Variants in SPATA9 observed in about 807,000 individuals in gnomAD.
SPATA9 encodes spermatogenesis associated 9.
Under a neutral mutation model 25.5 loss-of-function variants are expected in SPATA9, and 27 were observed. That is an observed-to-expected ratio of 1.06 (90% confidence interval 0.78 to 1.46). SPATA9 has a LOEUF of 1.46. SPATA9 is among the 40% of genes most tolerant of loss of function. The pLI is 0.00. For missense variants in SPATA9, 282 were observed against 297.5 expected (o/e 0.95, Z 0.38); for synonymous variants, 102 against 105.7 (o/e 0.97, Z 0.21).
chr5:95,654,352 T>C (rs750298255), downstream of SPATA9: 6 of 1,606,064 alleles, frequency 3.7e-6, no homozygotes, highest in Admixed American at 1.0e-4. Context: ...GACCTTTACA[T>C]TTGGGAGATA....
the SPATA9 span, among the ~76,000 whole-genome samples, chr5:95,727,022 G>A: frequency 1.3e-5 from 2 of 151,826 alleles, no homozygotes. Flanking sequence ...TGGAATTTCA[G>A]GGATCATCTT....
chr5:95,708,540 A>C, the SPATA9 span: 1 of 694,824 alleles, frequency 1.4e-6, no homozygotes, highest in African/African-American at 1.8e-5. Context: ...ATGTCCAATC[A>C]GGGCAGAAAA....
Position 95,666,114 on chromosome 5 carries a change from GTAT to G in SPATA9, c.379-2069_379-2067del, listed in dbSNP as rs199745788. Among the ~76,000 whole-genome samples, 1,375 of 152,244 alleles carry G rather than the reference GTAT, an allele frequency of 9.0e-3. 12 individuals are homozygous for G. The highest frequency in any genetic ancestry group is 0.015 in the Non-Finnish European group (1,011 of 68,002). ...TTCTTAAAACAATCCTATGAAGTTGGTATTATTATTATCCTCATTCCACAACTG... is the reference window on the plus strand; with the variant it reads ...TTCTTAAAACAATCCTATGAAGTTGGTATTATTATCCTCATTCCACAACTG... On this transcript the variant is annotated intron_variant, in intron 3 of 4. Coordinates refer to ENST00000274432, the MANE Select transcript of SPATA9 (RefSeq NM_031952.4).
At chr5:95,654,273 A>G (rs780014013), downstream of SPATA9, 3 of 1,609,290 alleles carry the variant, frequency 1.9e-6, no homozygotes, top group Non-Finnish European at 1.7e-6. Flanking sequence ...ACTTTAAACC[A>G]TGAAACTATC....
At chr5:95,713,912 G>A in the SPATA9 span, among the ~76,000 whole-genome samples, 1 of 151,576 alleles carries the variant, frequency 6.6e-6, no homozygotes, top group Non-Finnish European at 1.5e-5. Context: ...AAATACACAT[G>A]TGCATATATA....
At chr5:95,676,117 C>T (rs186497396) in intron 2 of SPATA9, among the ~76,000 whole-genome samples, 293 of 152,108 alleles carry the variant, frequency 1.9e-3, no homozygotes, top group African/African-American at 6.1e-3. Flanking sequence ...CCACCACACC[C>T]GGACTTTAAA....
chr5:95,679,842 G>C (rs1232516986), intron 2 of SPATA9, among the ~76,000 whole-genome samples: 1 of 152,248 alleles, frequency 6.6e-6, no homozygotes, highest in Non-Finnish European at 1.5e-5. Flanking sequence ...AGTAGGTCCT[G>C]ACAGTTAAAA....
intron 2 of SPATA9, among the ~76,000 whole-genome samples, chr5:95,680,821 C>A (rs776291315): frequency 6.6e-6 from 1 of 152,048 alleles, no homozygotes; most frequent in Non-Finnish European, 1.5e-5. Context: ...GTGGCATGAC[C>A]CCTTAAACTG....
At chr5:95,674,963 AGTT>A (rs1752782523) in intron 3 of SPATA9, among the ~76,000 whole-genome samples, 4 of 152,200 alleles carry the variant, frequency 2.6e-5, no homozygotes, top group Admixed American at 6.5e-5. Flanking sequence ...AAGTTTTAAG[AGTT>A]GTTGTCCTCA....
chr5:95,698,097 T>C (rs1754081748), intron 1 of SPATA9, among the ~76,000 whole-genome samples: 1 of 152,224 alleles, frequency 6.6e-6, no homozygotes, highest in South Asian at 2.1e-4. Context: ...AACTGATTTC[T>C]TCTTTTTTCT....
At chr5:95,705,208 T>A in the SPATA9 span, among the ~76,000 whole-genome samples, 1 of 152,104 alleles carries the variant, frequency 6.6e-6, no homozygotes, top group African/African-American at 2.4e-5. Context: ...GCTCAATGAT[T>A]TGCCCACCTC....
intron 3 of SPATA9, among the ~76,000 whole-genome samples, chr5:95,667,986 T>C (rs1751982574): frequency 6.6e-6 from 1 of 152,160 alleles, no homozygotes; most frequent in South Asian, 2.1e-4. Flanking sequence ...CCCTTTGCCT[T>C]CCACCTTGAT....
intron 2 of SPATA9, among the ~76,000 whole-genome samples, chr5:95,676,732 C>A (rs1433688056): frequency 6.6e-6 from 1 of 152,180 alleles, no homozygotes; most frequent in Non-Finnish European, 1.5e-5. Context: ...TCTGCTTCCA[C>A]CTTTGCCTAT....
chr5:95,705,302 G>C, the SPATA9 span, among the ~76,000 whole-genome samples: 1 of 152,114 alleles, frequency 6.6e-6, no homozygotes, highest in Non-Finnish European at 1.5e-5. Context: ...ACCTGCCAAA[G>C]GCCACATCCC....
intron 3 of SPATA9, among the ~76,000 whole-genome samples, chr5:95,673,130 T>C (rs1396248759): frequency 6.6e-6 from 1 of 152,150 alleles, no homozygotes; most frequent in Non-Finnish European, 1.5e-5. Flanking sequence ...CATCTGTATA[T>C]CTTTTTGGAG....
At chr5:95,654,239 A>G (rs751486878), downstream of SPATA9, 13 of 1,611,484 alleles carry the variant, frequency 8.1e-6, no homozygotes, top group South Asian at 1.4e-4. Flanking sequence ...CTGTTACCGT[A>G]AGATTTTATT....
the SPATA9 span, among the ~76,000 whole-genome samples, chr5:95,705,426 T>C: frequency 6.6e-6 from 1 of 152,222 alleles, no homozygotes; most frequent in Non-Finnish European, 1.5e-5. Flanking sequence ...AATAATTCCA[T>C]GTTACTAGCA....
At chr5:95,721,293 C>T in the SPATA9 span, among the ~76,000 whole-genome samples, 4 of 152,144 alleles carry the variant, frequency 2.6e-5, no homozygotes, top group Non-Finnish European at 5.9e-5. Context: ...CTTGGCTGTC[C>T]GTACTTATCA....
chr5:95,728,775 T>C, the SPATA9 span, among the ~76,000 whole-genome samples: 7 of 152,124 alleles, frequency 4.6e-5, no homozygotes, highest in Admixed American at 2.6e-4. Context: ...CAGGATGAGA[T>C]AGGAGGTCAG....
Sources: gnomAD v4.1 joint callset for allele counts (sites outside exome capture counted in the v4.1 genomes callset) on GRCh38, gnomAD v4.1.1 for gene constraint, MANE v1.5 for transcripts, NCBI Gene and HGNC (gene_info 2026-07-23, HGNC 2026-07-21) for gene names.